The following CEMIP2 variants were observed in gnomAD, a reference collection of about 807,000 sequenced individuals.
CEMIP2 encodes the protein cell surface hyaluronidase CEMIP2.
A neutral mutation model predicts 146.9 loss-of-function variants in CEMIP2; 79 were observed. That is an observed-to-expected ratio of 0.54 (90% CI 0.45 to 0.65). The LOEUF (loss-of-function observed/expected upper bound fraction) is 0.65. Among genes scored for constraint, CEMIP2 ranks in the 30% least tolerant of loss-of-function variants. The pLI is 0.00. For missense variants in CEMIP2, 1,596 were observed against 1,696.2 expected (o/e 0.94, Z 1.04); for synonymous variants, 601 against 606.3 (o/e 0.99, Z 0.13).
intron 10 of CEMIP2, among the ~76,000 whole-genome samples, chr9:71,726,006 G>A (rs978932957): frequency 1.3e-5 from 2 of 152,166 alleles, no homozygotes; most frequent in Non-Finnish European, 2.9e-5. Flanking sequence ...TAAAAGTTAT[G>A]CAGAATTAAA....
chr9:71,708,165 G>A (rs891747711), intron 17 of CEMIP2, among the ~76,000 whole-genome samples: 2 of 152,114 alleles, frequency 1.3e-5, no homozygotes, highest in Admixed American at 6.5e-5. Context: ...CAGCCTGGGC[G>A]ACAGAGCAAG....
chr9:71,707,083 C>T (rs892110036), intron 17 of CEMIP2, among the ~76,000 whole-genome samples: 2 of 152,168 alleles, frequency 1.3e-5, no homozygotes, highest in Non-Finnish European at 2.9e-5. Context: ...CTGCCTCAAC[C>T]TCCCAAAGTG....
At position 71,747,446 on chromosome 9, in the gene CEMIP2, G is replaced by A. The variant is rs1356861189; in HGVS notation, c.332-1105C>T. ...AGCTTCATGAACAGGTGACTTGAGA[G>A]CTGGACACCAAAGGATGGGCAGTAT... On this transcript the variant is annotated intron_variant, in intron 2 of 23. Transcript: ENST00000377044. Among the ~76,000 whole-genome samples, 5 of 152,328 alleles carry A rather than the reference G, an allele frequency of 3.3e-5. No homozygotes were observed. The East Asian group carries it at 7.7e-4, about 23-fold the overall frequency.
intron 12 of CEMIP2, among the ~76,000 whole-genome samples, chr9:71,719,102 T>A (rs1005030876): frequency 2.0e-5 from 3 of 152,152 alleles, no homozygotes; most frequent in Non-Finnish European, 4.4e-5. Context: ...TATTTTTTTT[T>A]AATCATTTCT....
At chr9:71,761,780 A>G (rs989163893) in intron 1 of CEMIP2, among the ~76,000 whole-genome samples, 1 of 152,176 alleles carries the variant, frequency 6.6e-6, no homozygotes, top group Non-Finnish European at 1.5e-5. Context: ...GAGTAGGGAG[A>G]CAACACAAGT....
intron 11 of CEMIP2, among the ~76,000 whole-genome samples, chr9:71,723,146 A>AAAAC (rs921200200): frequency 7.9e-5 from 12 of 151,428 alleles, no homozygotes; most frequent in African/African-American, 2.4e-4. Flanking sequence ...GAAAAAAAAA[A>AAAAC]AAAAAACAAA....
rs1332233578 is a variant in CEMIP2 at position 71,715,174 on chromosome 9, G to A, written c.2436-85C>T. 4 of 1,380,420 alleles carry A rather than the reference G, an allele frequency of 2.9e-6. No individual in the cohort carries two copies. In the East Asian group the frequency reaches 8.8e-5, roughly 30 times the overall value. 85.5% of individuals were successfully genotyped at this position (1,380,420 alleles called of 1,614,324 possible). Reference sequence around the variant, plus strand: ...AATGTAGGCATGCTATAACTGAAAAGCTAAAAGTTTTAAAAGAAGTCAATA... The same window carrying A: ...AATGTAGGCATGCTATAACTGAAAAACTAAAAGTTTTAAAAGAAGTCAATA... On this transcript the variant is annotated intron_variant, in intron 14 of 23. Coordinates refer to ENST00000377044, the MANE Select transcript of CEMIP2 (RefSeq NM_013390.3).
intron 2 of CEMIP2, 96 bp from the exon 3 acceptor site, chr9:71,746,437 A>G: frequency 1.4e-6 from 2 of 1,459,386 alleles, no homozygotes; most frequent in Non-Finnish European, 1.9e-6. Context: ...ATCTGCAAAA[A>G]ATGTGCTAAC....
Position 71,743,950 on chromosome 9 carries a change from A to C in CEMIP2, c.1034+1068T>G, listed in dbSNP as rs908398853. ...GTTTTGAGGTACTCTTACTTTTTCC[A>C]CCACAGATATTCCCTGACTTTACTA... is the stretch of plus-strand genomic sequence containing the variant. On this transcript the variant is annotated intron_variant, in intron 4 of 23. Transcript: ENST00000377044. Among the ~76,000 whole-genome samples the C allele has an allele frequency of 2.6e-5, 4 of 152,172 alleles. No homozygotes were observed. The East Asian group carries it at 7.7e-4, about 29-fold the overall frequency.
chr9:71,694,450 T>C, intron 21 of CEMIP2, 59 bp downstream of exon 21: 1 of 1,381,096 alleles, frequency 7.2e-7, no homozygotes, highest in Non-Finnish European at 1.0e-6. Flanking sequence ...AGCTACCTAG[T>C]TTATGGCATT....
intron 16 of CEMIP2, among the ~76,000 whole-genome samples, chr9:71,711,817 C>G (rs1822913365): frequency 6.6e-6 from 1 of 152,156 alleles, no homozygotes; most frequent in Non-Finnish European, 1.5e-5. Flanking sequence ...CTATGAAACT[C>G]TACAACCTCT....
intron 15 of CEMIP2, 174 bp from the exon 16 acceptor site, chr9:71,712,434 A>G: frequency 1.7e-6 from 1 of 597,922 alleles, no homozygotes; most frequent in Non-Finnish European, 2.9e-6. Context: ...GTAGTGGGAA[A>G]GACAAACAGA....
intron 16 of CEMIP2, among the ~76,000 whole-genome samples, 181 bp from the exon 17 acceptor site, chr9:71,709,655 A>G (rs1822850484): frequency 6.6e-6 from 1 of 152,144 alleles, no homozygotes; most frequent in Admixed American, 6.5e-5. Context: ...TCAATTAATG[A>G]CATGCTGGGG....
At chr9:71,712,506 A>C in intron 15 of CEMIP2, 1 of 356,150 alleles carries the variant, frequency 2.8e-6, no homozygotes, top group Non-Finnish European at 5.0e-6. Flanking sequence ...ACATTATCAT[A>C]GATTGGGTGG....
At chr9:71,724,898 C>T (rs11142975) in intron 11 of CEMIP2, among the ~76,000 whole-genome samples, 2,066 of 151,874 alleles carry the variant, frequency 0.014, 32 homozygotes, top group African/African-American at 0.046. Flanking sequence ...AAACAGGTAA[C>T]GACATTAAAG....
At chr9:71,749,936 A>G in intron 2 of CEMIP2, 107 bp downstream of exon 2, 1 of 886,258 alleles carries the variant, frequency 1.1e-6, no homozygotes, top group Non-Finnish European at 1.7e-6. Flanking sequence ...CTAACTACAT[A>G]TTAGTTAGCT....
At chr9:71,747,437 G>C (rs559784123) in intron 2 of CEMIP2, among the ~76,000 whole-genome samples, 17 of 152,304 alleles carry the variant, frequency 1.1e-4, no homozygotes, top group African/African-American at 4.1e-4. Context: ...ATGAACAGGT[G>C]ACTTGAGAGC....
intron 19 of CEMIP2, among the ~76,000 whole-genome samples, chr9:71,700,000 A>C (rs1822514239): frequency 6.6e-6 from 1 of 152,204 alleles, no homozygotes; most frequent in African/African-American, 2.4e-5. Flanking sequence ...TTTATAGTGC[A>C]TAGACAATGG....
chr9:71,700,939 A>G lies in CEMIP2; in HGVS notation c.3195-115T>C, dbSNP rs75994802. 2.0e-4 allele frequency: 183 copies of G among 935,106 alleles called. 1 individual carries two copies. The East Asian group carries it at 5.0e-3, about 26-fold the overall frequency. The allele number at this position is 935,106 out of a possible 1,614,324, so 57.9% of individuals were successfully genotyped here. ...GCCACTTCTTCCACTTCCTGCCCATAGTTTTCTCCTCCTTAAATTTCTTCT... is the reference window on the plus strand; with the variant it reads ...GCCACTTCTTCCACTTCCTGCCCATGGTTTTCTCCTCCTTAAATTTCTTCT... On this transcript the variant is annotated intron_variant, in intron 18 of 23. Coordinates refer to ENST00000377044, the MANE Select transcript of CEMIP2 (RefSeq NM_013390.3).
Sources: allele counts gnomAD v4.1 joint callset (sites outside exome capture counted in the v4.1 genomes callset), GRCh38; gene constraint gnomAD v4.1.1; transcripts MANE v1.5; gene names NCBI Gene and HGNC (gene_info 2026-07-23, HGNC 2026-07-21).